Variants in PLXDC1 observed in about 807,000 individuals in gnomAD.
PLXDC1 encodes plexin domain-containing protein 1.
A neutral mutation model predicts 61.3 loss-of-function variants in PLXDC1; 39 were observed. The ratio of observed to expected loss-of-function variants is 0.64; its 90% CI spans 0.49 to 0.83. PLXDC1 has a LOEUF of 0.83. Among genes scored for constraint, PLXDC1 ranks in the 40% least tolerant of loss-of-function variants. PLXDC1 has a pLI of 0.00. For synonymous variants in PLXDC1, 212 were observed against 254.5 expected, an observed-to-expected ratio of 0.83 and a Z score of 1.59; for missense variants, 596 against 666.5, an observed-to-expected ratio of 0.89 and a Z score of 1.17.
chr17:39,104,938 T>C (rs1051574101), intron 7 of PLXDC1, among the ~76,000 whole-genome samples: 1 of 152,190 alleles, frequency 6.6e-6, no homozygotes, highest in African/African-American at 2.4e-5. Flanking sequence ...TAGGCAATGA[T>C]GCCTCCCCCG....
upstream of PLXDC1, among the ~76,000 whole-genome samples, chr17:39,152,158 C>T (rs553837364): frequency 6.7e-6 from 1 of 149,754 alleles, no homozygotes; most frequent in Non-Finnish European, 1.5e-5. Flanking sequence ...TCCCACCCCC[C>T]TTCCATGACT....
intron 1 of PLXDC1, among the ~76,000 whole-genome samples, chr17:39,144,487 G>A (rs1361615387): frequency 6.6e-6 from 1 of 152,172 alleles, no homozygotes; most frequent in Non-Finnish European, 1.5e-5. Flanking sequence ...TCTGTTTCCT[G>A]GCCACCCTTC....
chr17:39,151,610 G>GGC lies in PLXDC1; in HGVS notation c.-174_-173insGC. 1 of 1,131,704 alleles carries GGC rather than the reference G, an allele frequency of 8.8e-7. No individual in the cohort carries two copies. 70.1% of individuals were successfully genotyped at this position (1,131,704 alleles called of 1,614,324 possible). A position where few individuals can be genotyped will look rare whatever the true frequency, so the allele number is the denominator to read the frequency against. On this transcript the variant is annotated 5_prime_UTR_variant, in exon 1 of 14. Transcript: ENST00000315392. The surrounding 1 kb of genome is among the most constrained non-coding windows in gnomAD (Gnocchi z 5.2). ...CGGCAGGAGCGGCGAGAGCGCGAGC[G>GGC]GAGCTGGAGGCTGCGGCCTCCGGGA...
At position 39,109,298 on chromosome 17, in the gene PLXDC1, T is replaced by C. The variant is rs1396140346; in HGVS notation, c.349A>G (p.Ser117Gly). The change falls in exon 3 of 14, where the codon AGC (serine) becomes GGC (glycine). Residue 117 changes from serine to glycine, a missense_variant. Coordinates refer to ENST00000315392, the MANE Select transcript of PLXDC1 (RefSeq NM_020405.5). ...LWVDVAEANR[S>G]QVKIHTILSN... ...AGTATTGTGTGGATCTTCACTTGGC[T>C]CCGGTTGGCCTCGGCCACATCTACC... 3.1e-6 allele frequency: 5 copies of C among 1,612,290 alleles called. No individual in the cohort carries two copies. Among genetic ancestry groups the C allele is most frequent in the Admixed American group, 3.3e-5 (2 of 59,824 alleles).
At chr17:39,090,489 C>T (rs4299185) in intron 7 of PLXDC1, among the ~76,000 whole-genome samples, 3 of 151,970 alleles carry the variant, frequency 2.0e-5, no homozygotes, top group Admixed American at 6.6e-5. Context: ...AGAAGCTCGG[C>T]CCCCGGAGGG....
At chr17:39,133,089 A>G (rs1056554425) in intron 2 of PLXDC1, among the ~76,000 whole-genome samples, 2 of 152,100 alleles carry the variant, frequency 1.3e-5, no homozygotes, top group African/African-American at 4.8e-5. Flanking sequence ...CTTAGGCCAC[A>G]GTGATGCTGA....
At chr17:39,102,732 ACACACACACT>A (rs1484611924) in intron 7 of PLXDC1, among the ~76,000 whole-genome samples, 15 of 127,692 alleles carry the variant, frequency 1.2e-4, no homozygotes, top group Admixed American at 2.9e-4. Flanking sequence ...ACACACACAC[ACACACACACT>A]CACTCACCTG....
intron 11 of PLXDC1, 128 bp from the exon 12 acceptor site, chr17:39,072,613 G>A (rs1909166956): frequency 7.1e-6 from 5 of 706,466 alleles, no homozygotes; most frequent in Admixed American, 2.0e-5. Context: ...GAGGCTCAGA[G>A]AGGGGAGGAG....
chr17:39,126,663 A>G (rs1418056050), intron 2 of PLXDC1, among the ~76,000 whole-genome samples: 2 of 152,282 alleles, frequency 1.3e-5, no homozygotes, highest in East Asian at 3.9e-4. Flanking sequence ...AGCCCATTCT[A>G]TCACAGGGCG....
chr17:39,081,119 A>G (rs1050394927), intron 9 of PLXDC1: 1 of 152,562 alleles, frequency 6.6e-6, no homozygotes, highest in African/African-American at 2.4e-5. Context: ...GATTTCTGGG[A>G]TCCTGGTTCC....
At chr17:39,095,170 G>A (rs538010890) in intron 7 of PLXDC1, among the ~76,000 whole-genome samples, 14 of 151,614 alleles carry the variant, frequency 9.2e-5, no homozygotes, top group South Asian at 4.2e-4. Context: ...AGCCAGGGAT[G>A]CCAGCTGTCC....
intron 2 of PLXDC1, among the ~76,000 whole-genome samples, chr17:39,118,240 T>C (rs1297862534): frequency 6.6e-6 from 1 of 151,990 alleles, no homozygotes; most frequent in East Asian, 1.9e-4. Context: ...GTTTCGTTCT[T>C]GTCGCCCAGG....
At chr17:39,089,592 T>C (rs1009017857) in intron 7 of PLXDC1, among the ~76,000 whole-genome samples, 7 of 152,132 alleles carry the variant, frequency 4.6e-5, no homozygotes, top group Admixed American at 4.6e-4. Context: ...TGAATTGGGT[T>C]TTCGTCACTA....
intron 9 of PLXDC1, 195 bp from the exon 10 acceptor site, chr17:39,079,359 C>T (rs568445200): frequency 1.6e-6 from 1 of 611,446 alleles, no homozygotes; most frequent in African/African-American, 1.8e-5. Context: ...TTCCTTCCCA[C>T]CCAGCTCCCC....
upstream of PLXDC1, chr17:39,152,705 A>G: frequency 8.2e-7 from 1 of 1,222,410 alleles, no homozygotes; most frequent in Non-Finnish European, 1.0e-6. Flanking sequence ...AGGAGGAGGG[A>G]TATGGGCGGG....
rs749125881 is a variant in PLXDC1 at position 39,109,383 on chromosome 17, G to A, written c.264C>T (p.Asn88=). 4 of 1,592,454 alleles carry A rather than the reference G, an allele frequency of 2.5e-6. No individual in the cohort carries two copies. The African/African-American group carries it at 5.4e-5, about 21-fold the overall frequency. ...PDNRTRVVED[N]HSYYVSRLYG... is the part of the protein sequence containing the mutation. ...AGAGACGGGACACATAATAGCTGTG[G>A]TTGTCCTCCTGCCGGCACCCAAGAT... The change falls in exon 3 of 14, where the codon AAC becomes AAT. Residue 88 remains asparagine, a synonymous_variant. Coordinates refer to ENST00000315392, the MANE Select transcript of PLXDC1 (RefSeq NM_020405.5).
chr17:39,149,899 A>C (rs1182052354), intron 1 of PLXDC1, among the ~76,000 whole-genome samples: 3 of 152,160 alleles, frequency 2.0e-5, no homozygotes, highest in Non-Finnish European at 2.9e-5. Flanking sequence ...TATTCATAAC[A>C]TATCCAACTC....
At chr17:39,072,108 A>T (rs762327164) in intron 12 of PLXDC1, 2 of 332,976 alleles carry the variant, frequency 6.0e-6, no homozygotes, top group Non-Finnish European at 1.1e-5. Context: ...ATCAGAGGGG[A>T]TGGCCACAGG....
At chr17:39,129,733 G>GAAAGAAAGAAAGA (rs1555573394) in intron 2 of PLXDC1, among the ~76,000 whole-genome samples, 4 of 130,486 alleles carry the variant, frequency 3.1e-5, no homozygotes, top group South Asian at 2.5e-4. Context: ...AGAAAGAAAA[G>GAAAGAAAGAAAGA]AAAGAAAGGA....
Sources: gnomAD v4.1 joint callset for allele counts (sites outside exome capture counted in the v4.1 genomes callset) on GRCh38, gnomAD v4.1.1 for gene constraint, Gnocchi (gnomAD v3.1) non-coding constraint, MANE v1.5 for transcripts, NCBI Gene and HGNC (gene_info 2026-07-23, HGNC 2026-07-21) for gene names.